The following SLC7A5 variants were observed in gnomAD, a reference collection of about 807,000 sequenced individuals.
SLC7A5 encodes the protein large neutral amino acids transporter small subunit 1.
In SLC7A5, 23 loss-of-function variants were observed where a neutral mutation model predicts 50.2. That is an observed-to-expected ratio of 0.46 (90% confidence interval 0.33 to 0.65). The LOEUF (loss-of-function observed/expected upper bound fraction) is 0.65, where lower values mean the gene tolerates loss of function less well. Among genes scored for constraint, SLC7A5 ranks in the 30% least tolerant of loss-of-function variants. The pLI is 0.02. For synonymous variants in SLC7A5, 393 were observed against 330.6 expected (o/e 1.19, Z -2.05); for missense variants, 578 against 684.4 (o/e 0.84, Z 1.73).
chr16:87,845,557 C>T (rs68080476), intron 2 of SLC7A5, among the ~76,000 whole-genome samples: 43,686 of 132,466 alleles, frequency 0.33, 9,855 homozygotes, highest in African/African-American at 0.57. Context: ...TCCACGCCCA[C>T]CCTAGGCCAC....
At chr16:87,843,347 CTTTTTTTTTTTTTTTTTTTTTT>C (rs60307560) in intron 2 of SLC7A5, among the ~76,000 whole-genome samples, 1,205 of 63,338 alleles carry the variant, frequency 0.019, 44 homozygotes, top group South Asian at 0.089. Flanking sequence ...GCCTGAGTAA[CTTTTTTTTTTTTTTTTTTTTTT>C]TTTTTTTTTT....
At chr16:87,851,988 C>A in intron 1 of SLC7A5, 139 bp from the exon 2 acceptor site, 1 of 969,060 alleles carries the variant, frequency 1.0e-6, no homozygotes, top group East Asian at 2.6e-5. Context: ...CTCCAGTCCC[C>A]TGCCAGCCCT....
In SLC7A5 at chr16:87,841,191, A is replaced by G; in HGVS notation, c.665-36T>C. 7.3e-7 allele frequency: 1 copy of G among 1,362,792 alleles called. No homozygotes were observed. The highest frequency in any genetic ancestry group is 1.1e-6 in the Non-Finnish European group (1 of 951,148). 84.4% of individuals were successfully genotyped at this position (1,362,792 alleles called of 1,614,324 possible). A position where few individuals can be genotyped will look rare whatever the true frequency, so the allele number is the denominator to read the frequency against. On this transcript the variant is annotated intron_variant, in intron 2 of 9. Transcript: ENST00000261622. This position sits in a 1 kb window ranked among gnomAD's most constrained non-coding sequence, Gnocchi z 4.8. Reference sequence around the variant, plus strand: ...CAAAGAAAGGAATGCTGGGTTAGAGAGCGCTGAACAGAGGTCATGCTACCA... The same window carrying G: ...CAAAGAAAGGAATGCTGGGTTAGAGGGCGCTGAACAGAGGTCATGCTACCA...
At chr16:87,850,180 A>C (rs1444440948) in intron 2 of SLC7A5, among the ~76,000 whole-genome samples, 1 of 152,204 alleles carries the variant, frequency 6.6e-6, no homozygotes, top group Non-Finnish European at 1.5e-5. Context: ...GCGGAGGCTC[A>C]GCTAAAGCTG....
At chr16:87,865,329 T>C (rs531626673) in intron 1 of SLC7A5, among the ~76,000 whole-genome samples, 13 of 152,318 alleles carry the variant, frequency 8.5e-5, no homozygotes, top group African/African-American at 3.1e-4. Flanking sequence ...CCTATTAACA[T>C]TAACCCTCAC....
In SLC7A5 at chr16:87,860,166, T is replaced by C. The variant is rs532573840; in HGVS notation, c.539-8317A>G. 1.3e-5 allele frequency among the ~76,000 whole-genome samples: 2 copies of C among 151,814 alleles called. No individual in the cohort carries two copies. The highest frequency in any genetic ancestry group is 3.9e-4 in the East Asian group (2 of 5,148). ...TGACCAACATGGTGAAACCCCCGTC[T>C]CTACTAAAAACACAAAATTAGCTGG... On this transcript the variant is annotated intron_variant, in intron 1 of 9. Coordinates refer to ENST00000261622, the MANE Select transcript of SLC7A5 (RefSeq NM_003486.7). This position sits in a 1 kb window ranked among gnomAD's most constrained non-coding sequence, Gnocchi z 4.8.
chr16:87,845,218 T>A (rs2055136498), intron 2 of SLC7A5, among the ~76,000 whole-genome samples: 1 of 152,196 alleles, frequency 6.6e-6, no homozygotes, highest in South Asian at 2.1e-4. Flanking sequence ...TCAGGCATGG[T>A]CAGGGGCAGG....
intron 2 of SLC7A5, among the ~76,000 whole-genome samples, chr16:87,851,470 G>T (rs1276256971): frequency 6.6e-6 from 1 of 152,160 alleles, no homozygotes; most frequent in East Asian, 1.9e-4. Context: ...CACAGACATC[G>T]CAGCGTAAAA....
rs2055004986 is a variant in SLC7A5 at position 87,836,486 on chromosome 16, C to A, written c.1290+12G>T. 1.2e-6 allele frequency: 2 copies of A among 1,608,010 alleles called. No homozygotes were observed. Among genetic ancestry groups the A allele is most frequent in the African/African-American group, 1.3e-5 (1 of 74,948 alleles). On this transcript the variant is annotated intron_variant, in intron 8 of 9. Transcript: ENST00000261622. Reference sequence around the variant, plus strand: ...GAAGGGTGCCTGGGTGAGCGGGAGGCCCCGGGCTCACCTTGATGGGCCGCT... The same window carrying A: ...GAAGGGTGCCTGGGTGAGCGGGAGGACCCGGGCTCACCTTGATGGGCCGCT...
intron 2 of SLC7A5, among the ~76,000 whole-genome samples, chr16:87,844,744 G>A (rs372948227): frequency 2.0e-5 from 3 of 152,246 alleles, no homozygotes; most frequent in Admixed American, 6.5e-5. Context: ...AGGGACAAGA[G>A]AGTCACTCCT....
intron 1 of SLC7A5, among the ~76,000 whole-genome samples, chr16:87,866,269 C>CAGCG (rs1276405950): frequency 2.2e-4 from 33 of 152,098 alleles, no homozygotes; most frequent in South Asian, 6.2e-4. Flanking sequence ...ATAAATAGGC[C>CAGCG]AGCGATATAT....
rs2054949465 is a variant in SLC7A5, at chr16:87,832,830, T to TC, written c.*139_*140insG. On this transcript the variant is annotated 3_prime_UTR_variant, in exon 10 of 10. Transcript: ENST00000261622. This position sits in a 1 kb window ranked among gnomAD's most constrained non-coding sequence, Gnocchi z 4.6. ...CCAGAGTTTTCACAGCAGCCTCCAC[T>TC]GCCCGACCTGGGAGGGACGGCGAGG... is the stretch of plus-strand genomic sequence containing the variant. The TC allele has an allele frequency of 1.3e-6, 1 of 743,854 alleles. No individual in the cohort carries two copies. 46.1% of individuals were successfully genotyped at this position (743,854 alleles called of 1,614,324 possible).
chr16:87,865,309 T>C (rs1158351198), intron 1 of SLC7A5, among the ~76,000 whole-genome samples: 3 of 152,186 alleles, frequency 2.0e-5, no homozygotes. Context: ...TAACTTTCGC[T>C]GAAAGGGACC....
rs887679716 is a variant in SLC7A5, at chr16:87,852,378, C to T, written c.539-529G>A. Among the ~76,000 whole-genome samples, 1 of 152,202 alleles carries T rather than the reference C, an allele frequency of 6.6e-6. No individual in the cohort carries two copies. Among genetic ancestry groups the T allele is most frequent in the Non-Finnish European group, 1.5e-5 (1 of 68,036 alleles). On this transcript the variant is annotated intron_variant, in intron 1 of 9. Transcript: ENST00000261622. This position sits in a 1 kb window ranked among gnomAD's most constrained non-coding sequence, Gnocchi z 4.5. ...GTCCCGCTTTCCCGGAACTACCTGG[C>T]CAGTCACCTGGGGACGGCAGCCTGG...
At position 87,844,823 on chromosome 16, in the gene SLC7A5, G is replaced by T. The variant is rs1291210287; in HGVS notation, c.665-3668C>A. On this transcript the variant is annotated intron_variant, in intron 2 of 9. Transcript: ENST00000261622. Reference sequence around the variant, plus strand: ...CCACTCTGGCCCCTTGGGGCTCTAGGTGGAGTGTGCTGAACAGTGTCCCCA... The same window carrying T: ...CCACTCTGGCCCCTTGGGGCTCTAGTTGGAGTGTGCTGAACAGTGTCCCCA... Among the ~76,000 whole-genome samples the T allele has an allele frequency of 2.0e-5, 3 of 152,400 alleles. No homozygotes were observed. In the East Asian group the frequency reaches 5.8e-4, roughly 29 times the overall value.
In SLC7A5 at chr16:87,839,718, G is replaced by T; in HGVS notation, c.923C>A (p.Ser308Tyr). 2 of 1,613,634 alleles carry T rather than the reference G, an allele frequency of 1.2e-6. No homozygotes were observed. The highest frequency in any genetic ancestry group is 1.3e-5 in the African/African-American group (1 of 75,058). ...TTLSTEQMLS[S>Y]EAVAVDFGNY... Reference sequence around the variant, plus strand: ...GCGGCTCACCACGGCCACGGCCTCGGACGACAGCATCTGCTCGGTGGACAG... The same window carrying T: ...GCGGCTCACCACGGCCACGGCCTCGTACGACAGCATCTGCTCGGTGGACAG... Residue 308 changes from serine (S) to tyrosine (Y), a missense_variant, in exon 5 of 10, where the codon TCC becomes TAC. Around this residue, in one of 2 missense-constraint regions of SLC7A5, gnomAD observed 465 missense variants for 594.6 expected, o/e 0.78. Coordinates refer to ENST00000261622, the MANE Select transcript of SLC7A5 (RefSeq NM_003486.7).
rs550348382 is a variant in SLC7A5 at position 87,833,732 on chromosome 16, C to T, written c.1468+682G>A. ...GATCAGCATGTAGGCCCGCAAGCAC[C>T]CCGGCCTTTTTCTACGAGCCTGGCC... On this transcript the variant is annotated intron_variant, in intron 9 of 9. Coordinates refer to ENST00000261622, the MANE Select transcript of SLC7A5 (RefSeq NM_003486.7). This position sits in a 1 kb window ranked among gnomAD's most constrained non-coding sequence, Gnocchi z 6.0. 5.7e-4 allele frequency among the ~76,000 whole-genome samples: 87 copies of T among 152,262 alleles called. No homozygotes were observed. Among genetic ancestry groups the T allele is most frequent in the African/African-American group, 1.9e-3 (80 of 41,552 alleles).
intron 2 of SLC7A5, 88 bp downstream of exon 2, chr16:87,851,636 G>A (rs2055224389): frequency 6.6e-7 from 1 of 1,508,856 alleles, no homozygotes; most frequent in Non-Finnish European, 9.1e-7. Flanking sequence ...GGACTGGGAG[G>A]CACCCGGGGA....
chr16:87,839,939 G>A (rs2055062627), intron 4 of SLC7A5, 114 bp from the exon 5 acceptor site: 30 of 1,412,988 alleles, frequency 2.1e-5, no homozygotes, highest in Non-Finnish European at 2.8e-5. Flanking sequence ...TCTGTGCTGG[G>A]CTTCTCGGGG....
Sources: allele counts gnomAD v4.1 joint callset (sites outside exome capture counted in the v4.1 genomes callset), GRCh38; gene constraint gnomAD v4.1.1; regional missense constraint gnomAD v4.1.1; non-coding constraint Gnocchi (gnomAD v3.1); transcripts MANE v1.5; gene names NCBI Gene and HGNC (gene_info 2026-07-23, HGNC 2026-07-21).